AGTPBP1: variants seen among roughly 807,000 people sequenced by gnomAD.
AGTPBP1 encodes the protein cytosolic carboxypeptidase 1.
Under a neutral mutation model 143.9 loss-of-function variants are expected in AGTPBP1, and 70 were observed. The observed-to-expected ratio is 0.49, with a 90% CI of 0.40 to 0.59. The LOEUF (loss-of-function observed/expected upper bound fraction) is 0.59, where lower values mean the gene tolerates loss of function less well. AGTPBP1 is among the 20% of genes least tolerant of loss of function. The pLI, the probability that AGTPBP1 is intolerant of heterozygous loss-of-function variation, is 0.00. For synonymous variants in AGTPBP1, 463 were observed against 500.2 expected (o/e 0.93, Z 0.99); for missense variants, 1,229 against 1,464.5 (o/e 0.84, Z 2.62).
intron 2 of AGTPBP1, among the ~76,000 whole-genome samples, chr9:85,693,958 C>G (rs62569247): frequency 0.017 from 2,548 of 152,158 alleles, 26 homozygotes; most frequent in Middle Eastern, 0.054. Flanking sequence ...CTCCTAGATC[C>G]CTGCGCAGGA....
Position 85,619,139 on chromosome 9 carries a change from TAGA to T in AGTPBP1, c.2187-11_2187-9del. On this transcript the variant is annotated splice_polypyrimidine_tract_variant and intron_variant, in intron 16 of 25. Transcript: ENST00000357081. Reference sequence around the variant, plus strand: ...ATAAGATCATATTCATTTCTGAAAATAGAAGACAAAGAAATCTGATGAAAATTA... The same window carrying T: ...ATAAGATCATATTCATTTCTGAAAATAGACAAAGAAATCTGATGAAAATTA... 1 of 1,611,854 alleles carries T rather than the reference TAGA, an allele frequency of 6.2e-7. No individual in the cohort carries two copies. Among genetic ancestry groups the T allele is most frequent in the Non-Finnish European group, 8.5e-7 (1 of 1,178,824 alleles).
chr9:85,671,213 T>C (rs1469022038), intron 7 of AGTPBP1, among the ~76,000 whole-genome samples: 1 of 152,148 alleles, frequency 6.6e-6, no homozygotes, highest in African/African-American at 2.4e-5. Flanking sequence ...TCTGAAGTGC[T>C]GGGATTACAG....
At chr9:85,678,861 T>C (rs1309025199) in intron 4 of AGTPBP1, among the ~76,000 whole-genome samples, 1 of 152,212 alleles carries the variant, frequency 6.6e-6, no homozygotes, top group East Asian at 1.9e-4. Context: ...CAAATGGTAT[T>C]GCCCTATAGG....
In AGTPBP1 at chr9:85,633,106, T is replaced by C. The variant is rs140525882; in HGVS notation, c.1571A>G (p.His524Arg). The C allele has an allele frequency of 1.5e-4, 242 of 1,614,070 alleles. No homozygotes were observed. The highest frequency in any genetic ancestry group is 1.9e-4 in the African/African-American group (14 of 74,946). The change falls in exon 14 of 26, where the codon CAT becomes CGT. Residue 524 changes from histidine (H) to arginine (R), a missense_variant. His to Arg is a conservative substitution (Grantham distance 29). Coordinates refer to ENST00000357081, the MANE Select transcript of AGTPBP1 (RefSeq NM_001330701.2). Reference sequence around the variant, plus strand: ...CTTTACAATATCATTGTTTAAACCATGGACTGATGAAATAGTTCTATTTTG... The same window carrying C: ...CTTTACAATATCATTGTTTAAACCACGGACTGATGAAATAGTTCTATTTTG... ...GDQNRTISSVHGLNNDIVKAL... is the reference protein window; with the variant it reads ...GDQNRTISSVRGLNNDIVKAL...
intron 17 of AGTPBP1, among the ~76,000 whole-genome samples, chr9:85,597,439 T>C (rs181887439): frequency 6.6e-6 from 1 of 152,236 alleles, no homozygotes; most frequent in Admixed American, 6.5e-5. Flanking sequence ...ATGCCGAATA[T>C]AGTGGTAAGA....
At chr9:85,620,189 T>C (rs1477283672) in intron 15 of AGTPBP1, among the ~76,000 whole-genome samples, 1 of 152,134 alleles carries the variant, frequency 6.6e-6, no homozygotes, top group Non-Finnish European at 1.5e-5. Context: ...GGTGGTCAGA[T>C]GACCTGAGGT....
intron 12 of AGTPBP1, among the ~76,000 whole-genome samples, chr9:85,643,488 C>T (rs890157215): frequency 6.6e-6 from 1 of 152,140 alleles, no homozygotes; most frequent in Non-Finnish European, 1.5e-5. Context: ...AAGCACCACA[C>T]TGTCAGCCAG....
chr9:85,639,367 G>GTGCA (rs1832309098), intron 13 of AGTPBP1, among the ~76,000 whole-genome samples: 1 of 147,232 alleles, frequency 6.8e-6, no homozygotes, highest in African/African-American at 2.5e-5. Context: ...GCGCGCACGC[G>GTGCA]CACACACACA....
At chr9:85,578,770 T>A (rs1828052536) in intron 24 of AGTPBP1, 150 bp downstream of exon 24, 1 of 757,440 alleles carries the variant, frequency 1.3e-6, no homozygotes, top group Non-Finnish European at 2.0e-6. Flanking sequence ...TAAAAACCTA[T>A]TCTTAAGACT....
At chr9:85,630,190 C>T (rs1265821049) in intron 14 of AGTPBP1, among the ~76,000 whole-genome samples, 6 of 152,134 alleles carry the variant, frequency 3.9e-5, no homozygotes, top group African/African-American at 1.2e-4. Context: ...CCAGGTGGGT[C>T]GTTCAGATTC....
At chr9:85,566,952 A>ACTT (rs1827144967) in intron 25 of AGTPBP1, among the ~76,000 whole-genome samples, 1 of 152,274 alleles carries the variant, frequency 6.6e-6, no homozygotes, top group South Asian at 2.1e-4. Context: ...GACAGAGGGA[A>ACTT]TCACAGCCAG....
the AGTPBP1 span, among the ~76,000 whole-genome samples, chr9:85,751,715 A>T: frequency 4.6e-5 from 7 of 152,184 alleles, no homozygotes; most frequent in African/African-American, 7.2e-5. Context: ...CTCAAGTTCA[A>T]GCGATTCTCG....
At chr9:85,715,457 C>G (rs1837644741) in intron 1 of AGTPBP1, among the ~76,000 whole-genome samples, 2 of 152,090 alleles carry the variant, frequency 1.3e-5, no homozygotes, top group Admixed American at 6.6e-5. Context: ...ACAGGGCTAA[C>G]TAAAACTTTG....
At chr9:85,727,144 T>C (rs1031513578) in intron 1 of AGTPBP1, among the ~76,000 whole-genome samples, 1 of 152,032 alleles carries the variant, frequency 6.6e-6, no homozygotes, top group Non-Finnish European at 1.5e-5. Context: ...CTGGCCAATA[T>C]GGTGAAACCC....
chr9:85,573,830 G>C (rs1012040880), intron 25 of AGTPBP1, among the ~76,000 whole-genome samples: 1 of 151,434 alleles, frequency 6.6e-6, no homozygotes, highest in African/African-American at 2.4e-5. Flanking sequence ...TCTCTGCCCG[G>C]CCGCCCCGTC....
intron 17 of AGTPBP1, among the ~76,000 whole-genome samples, chr9:85,615,899 C>A (rs72744900): frequency 6.6e-6 from 1 of 151,746 alleles, no homozygotes; most frequent in Admixed American, 6.6e-5. Context: ...AACTGTCTTA[C>A]AAAGAAAGGT....
At chr9:85,675,889 G>A (rs1331537279) in intron 6 of AGTPBP1, among the ~76,000 whole-genome samples, 1 of 152,102 alleles carries the variant, frequency 6.6e-6, no homozygotes, top group African/African-American at 2.4e-5. Context: ...GACGGGTATG[G>A]TGGCACATGC....
At chr9:85,578,320 C>G (rs1164057285) in intron 24 of AGTPBP1, among the ~76,000 whole-genome samples, 2 of 152,080 alleles carry the variant, frequency 1.3e-5, no homozygotes, top group Non-Finnish European at 2.9e-5. Flanking sequence ...ATTTAAAAGT[C>G]ACACATAAGG....
chr9:85,665,465 T>C (rs1290027259), intron 8 of AGTPBP1, among the ~76,000 whole-genome samples: 1 of 152,188 alleles, frequency 6.6e-6, no homozygotes, highest in Admixed American at 6.6e-5. Flanking sequence ...AATAAATTTC[T>C]GTTGTTTTGA....
Sources: gnomAD v4.1 joint callset for allele counts (sites outside exome capture counted in the v4.1 genomes callset) on GRCh38, gnomAD v4.1.1 for gene constraint, MANE v1.5 for transcripts, NCBI Gene and HGNC (gene_info 2026-07-23, HGNC 2026-07-21) for gene names.